Variants in UHRF2 observed in about 807,000 individuals in gnomAD.
UHRF2 encodes E3 ubiquitin-protein ligase UHRF2.
In UHRF2, 23 loss-of-function variants were observed where a neutral mutation model predicts 96.8. The observed-to-expected ratio is 0.24, with a 90% CI of 0.17 to 0.34. The LOEUF (loss-of-function observed/expected upper bound fraction) is 0.34. Ranked by LOEUF, UHRF2 falls within the 10% of genes least tolerant of loss-of-function variation. UHRF2 has a pLI of 1.00. For missense variants in UHRF2, 685 were observed against 981.5 expected (o/e 0.70, Z 4.04); for synonymous variants, 385 against 332.6 (o/e 1.16, Z -1.72).
intron 8 of UHRF2, among the ~76,000 whole-genome samples, chr9:6,483,011 A>T (rs1487476869): frequency 3.9e-5 from 6 of 152,120 alleles, no homozygotes; most frequent in Non-Finnish European, 2.9e-5. Context: ...ATAGACACCA[A>T]AGTCTGTGGA....
intron 6 of UHRF2, among the ~76,000 whole-genome samples, chr9:6,478,466 A>G (rs545484144): frequency 6.6e-6 from 1 of 152,214 alleles, no homozygotes; most frequent in Non-Finnish European, 1.5e-5. Flanking sequence ...ACTGTATTTA[A>G]TCCTGTGACG....
intron 3 of UHRF2, among the ~76,000 whole-genome samples, chr9:6,443,115 T>C (rs1036301060): frequency 3.3e-5 from 5 of 152,226 alleles, no homozygotes; most frequent in Non-Finnish European, 4.4e-5. Flanking sequence ...AAAATTCTTA[T>C]GAAAGTTAAT....
At position 6,506,183 on chromosome 9, in the gene UHRF2, G is replaced by A. The variant is rs925935089; in HGVS notation, c.*4G>A. The A allele has an allele frequency of 1.2e-6, 2 of 1,613,820 alleles. No homozygotes were observed. The highest frequency in any genetic ancestry group is 1.7e-6 in the Non-Finnish European group (2 of 1,179,880). ...TGGCTACAGCAAAGGACGATGATCT[G>A]CCTGCTTTCACTGTGTTGTTCATGG... On this transcript the variant is annotated 3_prime_UTR_variant, in exon 16 of 16. Transcript: ENST00000276893.
intron 2 of UHRF2, among the ~76,000 whole-genome samples, chr9:6,423,745 A>G (rs920951928): frequency 2.0e-5 from 3 of 151,874 alleles, no homozygotes; most frequent in Admixed American, 2.0e-4. Flanking sequence ...GGAGTTCAAG[A>G]CCAGCCTGGC....
chr9:6,482,247 G>C, intron 8 of UHRF2, 148 bp downstream of exon 8: 2 of 674,514 alleles, frequency 3.0e-6, no homozygotes, highest in Non-Finnish European at 5.1e-6. Context: ...TACTCTTCCT[G>C]GAGGTTAACA....
At chr9:6,438,174 C>T (rs528768636) in intron 3 of UHRF2, among the ~76,000 whole-genome samples, 2 of 152,324 alleles carry the variant, frequency 1.3e-5, no homozygotes, top group Non-Finnish European at 2.9e-5. Context: ...TTCTGTATAA[C>T]ACAGAAGGGA....
At chr9:6,468,216 T>G (rs1312848599) in intron 4 of UHRF2, among the ~76,000 whole-genome samples, 1 of 152,218 alleles carries the variant, frequency 6.6e-6, no homozygotes, top group Non-Finnish European at 1.5e-5. Context: ...TCAATGGCAT[T>G]TAGTTTTGTG....
At chr9:6,437,868 C>T (rs1820943007) in intron 3 of UHRF2, among the ~76,000 whole-genome samples, 1 of 152,054 alleles carries the variant, frequency 6.6e-6, no homozygotes, top group Non-Finnish European at 1.5e-5. Flanking sequence ...CCACCTTAGC[C>T]TCCCAGAGTG....
intron 1 of UHRF2, among the ~76,000 whole-genome samples, chr9:6,420,059 C>T (rs1380545856): frequency 2.6e-5 from 4 of 151,226 alleles, no homozygotes; most frequent in African/African-American, 9.7e-5. Context: ...TCCCCCGCCA[C>T]CTTTTTTTTT....
At position 6,507,023 on chromosome 9, in the gene UHRF2, A is replaced by G. The variant is rs1316913065; in HGVS notation, c.*844A>G. On this transcript the variant is annotated 3_prime_UTR_variant, in exon 16 of 16. Transcript: ENST00000276893. ...TTATATTCACTATATTCCCTAAAGT[A>G]TACCTTAATAAATATTTTATGATCA... The G allele has an allele frequency of 1.3e-5, 2 of 152,336 alleles. No individual in the cohort carries two copies. Among genetic ancestry groups the G allele is most frequent in the African/African-American group, 2.4e-5 (1 of 41,432 alleles). 9.4% of individuals were successfully genotyped at this position (152,336 alleles called of 1,614,324 possible).
At chr9:6,504,804 C>A (rs754398540) in intron 15 of UHRF2, 113 bp downstream of exon 15, 13 of 711,318 alleles carry the variant, frequency 1.8e-5, no homozygotes, top group Non-Finnish European at 2.7e-5. Context: ...AGTTGCGGAA[C>A]CTTCTAGTTA....
intron 9 of UHRF2, among the ~76,000 whole-genome samples, chr9:6,491,339 G>A (rs936214781): frequency 6.6e-6 from 1 of 152,170 alleles, no homozygotes; most frequent in African/African-American, 2.4e-5. Context: ...GCACTTAAAG[G>A]CTTGCTGTGA....
At chr9:6,454,202 G>A (rs1822051199) in intron 3 of UHRF2, among the ~76,000 whole-genome samples, 1 of 152,198 alleles carries the variant, frequency 6.6e-6, no homozygotes, top group South Asian at 2.1e-4. Context: ...AAGTTGAGGG[G>A]TTGGTGGGAA....
intron 3 of UHRF2, among the ~76,000 whole-genome samples, chr9:6,457,826 G>A (rs186008434): frequency 6.6e-6 from 1 of 152,290 alleles, no homozygotes; most frequent in East Asian, 1.9e-4. Flanking sequence ...TGCATATGTT[G>A]AACCAGCCTT....
intron 2 of UHRF2, among the ~76,000 whole-genome samples, chr9:6,425,372 C>T (rs1234653395): frequency 2.0e-5 from 3 of 152,152 alleles, no homozygotes; most frequent in Admixed American, 6.5e-5. Context: ...CTTTCTGGCA[C>T]TACAACATGC....
At chr9:6,473,179 AG>A (rs1181211276) in intron 4 of UHRF2, among the ~76,000 whole-genome samples, 2 of 152,208 alleles carry the variant, frequency 1.3e-5, no homozygotes, top group African/African-American at 4.8e-5. Flanking sequence ...AGTTCTCGTC[AG>A]AAGGATTTGG....
At chr9:6,463,432 A>G (rs541340600) in intron 4 of UHRF2, among the ~76,000 whole-genome samples, 2 of 152,276 alleles carry the variant, frequency 1.3e-5, no homozygotes, top group East Asian at 3.9e-4. Context: ...CGTTAGGAAC[A>G]CAATAGCTAA....
intron 4 of UHRF2, among the ~76,000 whole-genome samples, chr9:6,469,760 A>G (rs866748374): frequency 2.0e-5 from 3 of 150,518 alleles, no homozygotes; most frequent in Admixed American, 6.6e-5. Context: ...GTATATATAC[A>G]CACGTATATA....
At chr9:6,505,282 CGT>C (rs150172022) in intron 15 of UHRF2, among the ~76,000 whole-genome samples, 8 of 150,748 alleles carry the variant, frequency 5.3e-5, no homozygotes, top group East Asian at 1.9e-4. Flanking sequence ...TATATATATG[CGT>C]GTGTGTGTGT....
Sources: allele counts gnomAD v4.1 joint callset (sites outside exome capture counted in the v4.1 genomes callset), GRCh38; gene constraint gnomAD v4.1.1; transcripts MANE v1.5; gene names NCBI Gene and HGNC (gene_info 2026-07-23, HGNC 2026-07-21).